PCDH7: variants seen among roughly 807,000 people sequenced by gnomAD.
PCDH7 encodes protocadherin 7, also known as protocadherin-7.
In PCDH7, 17 loss-of-function variants were observed where a neutral mutation model predicts 58.9. That is an observed-to-expected ratio of 0.29 (90% CI 0.20 to 0.43). PCDH7 has a LOEUF of 0.43. Among genes scored for constraint, PCDH7 ranks in the 20% least tolerant of loss-of-function variants. The probability of loss-of-function intolerance (pLI) is 1.00; values close to 1 mark genes in which losing one functional copy is unlikely to be tolerated. For missense variants in PCDH7, 1,274 were observed against 1,441.0 expected (o/e 0.88, Z 1.88); for synonymous variants, 664 against 616.4 (o/e 1.08, Z -1.14).
chr4:30,816,732 A>G (rs1231358108), intron 1 of PCDH7, among the ~76,000 whole-genome samples: 3 of 152,154 alleles, frequency 2.0e-5, no homozygotes, highest in Non-Finnish European at 4.4e-5. Flanking sequence ...GATGTTTTCT[A>G]TAGTGAATTT....
chr4:30,769,375 C>T (rs1054498052), intron 1 of PCDH7, among the ~76,000 whole-genome samples: 3 of 152,188 alleles, frequency 2.0e-5, no homozygotes, highest in Non-Finnish European at 4.4e-5. Flanking sequence ...TCAGCTATCT[C>T]GTTCCCATCT....
rs1465669464 is a variant in PCDH7 at position 30,721,359 on chromosome 4, C to T, written c.-64C>T. The T allele has an allele frequency of 3.5e-6, 5 of 1,411,322 alleles. No individual in the cohort carries two copies. Among genetic ancestry groups the T allele is most frequent in the Non-Finnish European group, 4.6e-6 (5 of 1,079,178 alleles). 87.4% of individuals were successfully genotyped at this position (1,411,322 alleles called of 1,614,324 possible). ...TCGGGGGAGGGCAGGCGGCCGGCCC[C>T]GGAGGAGGGGGGCGCCGAGGGGGCT... On this transcript the variant is annotated 5_prime_UTR_variant, in exon 1 of 2. Coordinates refer to ENST00000361762, the Ensembl canonical transcript of PCDH7. The surrounding 1 kb of genome is among the most constrained non-coding windows in gnomAD (Gnocchi z 6.7).
intron 1 of PCDH7, among the ~76,000 whole-genome samples, chr4:30,836,296 G>C (rs1730472398): frequency 6.6e-6 from 1 of 152,116 alleles, no homozygotes; most frequent in African/African-American, 2.4e-5. Context: ...AGTGACAATG[G>C]GAATAAAATG....
At chr4:30,739,498 G>A (rs931876455) in intron 1 of PCDH7, among the ~76,000 whole-genome samples, 6 of 148,752 alleles carry the variant, frequency 4.0e-5, no homozygotes, top group African/African-American at 1.0e-4. Flanking sequence ...TTGAACACAA[G>A]GATCAATTTC....
intron 1 of PCDH7, among the ~76,000 whole-genome samples, chr4:30,818,542 A>G (rs1032212269): frequency 1.3e-5 from 2 of 152,146 alleles, no homozygotes; most frequent in Non-Finnish European, 2.9e-5. Context: ...TAACAATTCC[A>G]ATGATCATAA....
chr4:30,791,938 G>T lies in PCDH7; in HGVS notation c.70+67342G>T, dbSNP rs972493993. Among the ~76,000 whole-genome samples, 4 of 152,150 alleles carry T rather than the reference G, an allele frequency of 2.6e-5. No individual in the cohort carries two copies. The East Asian group carries it at 7.7e-4, about 29-fold the overall frequency. On this transcript the variant is annotated intron_variant, in intron 1 of 3. Coordinates refer to the PCDH7 transcript ENST00000509759. ...ATAAATTGTCATATTATCATAAAAA[G>T]ATAACACTGATTATGATAACCATTT...
chr4:30,796,643 T>C (rs1187819373), intron 1 of PCDH7, among the ~76,000 whole-genome samples: 1 of 152,250 alleles, frequency 6.6e-6, no homozygotes, highest in African/African-American at 2.4e-5. Flanking sequence ...AATTTACTTC[T>C]TGTTTGAGTG....
intron 1 of PCDH7, among the ~76,000 whole-genome samples, chr4:30,890,105 G>A (rs73214928): frequency 0.093 from 14,162 of 152,090 alleles, 784 homozygotes; most frequent in Non-Finnish European, 0.12. Context: ...TCTATGTACA[G>A]CATTTATTTA....
intron 1 of PCDH7, among the ~76,000 whole-genome samples, chr4:30,819,953 G>T (rs772568775): frequency 4.0e-5 from 6 of 151,156 alleles, no homozygotes; most frequent in Admixed American, 2.0e-4. Context: ...GCCTTGTAAG[G>T]GTGCTCTAAA....
At chr4:30,904,372 A>G (rs1740636226) in intron 1 of PCDH7, among the ~76,000 whole-genome samples, 2 of 152,038 alleles carry the variant, frequency 1.3e-5, no homozygotes, top group African/African-American at 2.4e-5. Context: ...AAAACTACCC[A>G]TGGTGAATAG....
rs1004334216 is a variant in PCDH7, at chr4:31,110,557, T to G, written c.*8-31916T>G. Among the ~76,000 whole-genome samples, 7 of 152,206 alleles carry G rather than the reference T, an allele frequency of 4.6e-5. No homozygotes were observed. The South Asian group carries it at 1.4e-3, about 31-fold the overall frequency. On this transcript the variant is annotated intron_variant, in intron 3 of 3. Coordinates refer to the PCDH7 transcript ENST00000509759. Reference sequence around the variant, plus strand: ...TCTATATACAAAAACGTATTTTGTTTAAGGAAACTCATTATTTTGACCAAG... The same window carrying G: ...TCTATATACAAAAACGTATTTTGTTGAAGGAAACTCATTATTTTGACCAAG...
chr4:30,788,057 CT>C (rs113128412), intron 1 of PCDH7, among the ~76,000 whole-genome samples: 28 of 152,170 alleles, frequency 1.8e-4, no homozygotes, highest in African/African-American at 6.0e-4. Flanking sequence ...TCTGCAGACA[CT>C]TGGAAACTCA....
intron 1 of PCDH7, among the ~76,000 whole-genome samples, chr4:30,808,947 A>G (rs1480091692): frequency 2.6e-5 from 4 of 152,194 alleles, no homozygotes; most frequent in African/African-American, 9.6e-5. Context: ...AAGCAAATAA[A>G]GCACCCATCT....
At chr4:31,079,366 A>C (rs1224473017) in intron 3 of PCDH7, among the ~76,000 whole-genome samples, 1 of 101,924 alleles carries the variant, frequency 9.8e-6, no homozygotes, top group Non-Finnish European at 1.9e-5. Flanking sequence ...ATATATATAC[A>C]CCACATTTTC....
intron 3 of PCDH7, among the ~76,000 whole-genome samples, chr4:31,126,415 C>T (rs1374195443): frequency 6.6e-6 from 1 of 152,120 alleles, no homozygotes; most frequent in Non-Finnish European, 1.5e-5. Context: ...TCACCTCAGC[C>T]TCTCAAGGTG....
rs1191168044 is a variant in PCDH7, at chr4:30,805,055, A to C, written c.70+80459A>C. On this transcript the variant is annotated intron_variant, in intron 1 of 3. Transcript: ENST00000509759. ...TTTTTCTAAATCTTGTCATTTGAAT[A>C]GTTGTTCACTCCCTTCCCTGGAGCA... Among the ~76,000 whole-genome samples the C allele has an allele frequency of 3.3e-5, 5 of 152,254 alleles. No individual in the cohort carries two copies. The East Asian group carries it at 9.7e-4, about 29-fold the overall frequency.
downstream of PCDH7, chr4:31,143,993 T>C (rs1419087249): frequency 2.0e-5 from 3 of 152,214 alleles, no homozygotes; most frequent in African/African-American, 7.2e-5. Flanking sequence ...TTATGGATCA[T>C]GGGTAGGTTA....
chr4:30,991,701 G>A lies in PCDH7; in HGVS notation c.*7+41486G>A, dbSNP rs987043120. Among the ~76,000 whole-genome samples the A allele has an allele frequency of 5.9e-5, 9 of 152,190 alleles. No individual in the cohort carries two copies. The South Asian group carries it at 8.3e-4, about 14-fold the overall frequency. ...TGGTCATCGTTCTTTTGGAGAATCAGTATTTCTTTTGGTAATTCTAGATTA... is the reference window on the plus strand; with the variant it reads ...TGGTCATCGTTCTTTTGGAGAATCAATATTTCTTTTGGTAATTCTAGATTA... On this transcript the variant is annotated intron_variant, in intron 3 of 3. Transcript: ENST00000509759.
chr4:30,963,002 C>T (rs1748615437), intron 3 of PCDH7, among the ~76,000 whole-genome samples: 1 of 151,986 alleles, frequency 6.6e-6, no homozygotes, highest in Non-Finnish European at 1.5e-5. Flanking sequence ...TGTTATTTGC[C>T]AATCAGAGGA....
Sources: allele counts gnomAD v4.1 joint callset (sites outside exome capture counted in the v4.1 genomes callset), GRCh38; gene constraint gnomAD v4.1.1; non-coding constraint Gnocchi (gnomAD v3.1); transcripts MANE v1.5; gene names NCBI Gene and HGNC (gene_info 2026-07-23, HGNC 2026-07-21).